Variants in ZCCHC7 observed in about 807,000 individuals in gnomAD.
ZCCHC7 encodes the protein zinc finger CCHC domain-containing protein 7.
ZCCHC7 carries 35 observed loss-of-function variants against 52.0 expected under a neutral mutation model. That is an observed-to-expected ratio of 0.67 (90% CI 0.51 to 0.89). The LOEUF (loss-of-function observed/expected upper bound fraction) is 0.89. Ranked by LOEUF, ZCCHC7 falls within the 40% of genes least tolerant of loss-of-function variation. The pLI is 0.00. For synonymous variants in ZCCHC7, 217 were observed against 221.5 expected (o/e 0.98, Z 0.18); for missense variants, 574 against 649.1 (o/e 0.88, Z 1.26).
intron 2 of ZCCHC7, among the ~76,000 whole-genome samples, chr9:37,217,820 A>T (rs1179458694): frequency 6.6e-6 from 1 of 152,198 alleles, no homozygotes; most frequent in East Asian, 1.9e-4. Flanking sequence ...TTAGAGTCAG[A>T]GGTAATCCTA....
At chr9:37,272,713 A>G (rs1827486449) in intron 2 of ZCCHC7, among the ~76,000 whole-genome samples, 1 of 152,070 alleles carries the variant, frequency 6.6e-6, no homozygotes, top group Admixed American at 6.5e-5. Context: ...CTTTTACTGT[A>G]TATTCATGTA....
At chr9:37,213,544 T>C (rs1824348952) in intron 2 of ZCCHC7, among the ~76,000 whole-genome samples, 1 of 152,186 alleles carries the variant, frequency 6.6e-6, no homozygotes, top group African/African-American at 2.4e-5. Context: ...CAGAATATGC[T>C]TTTTATTGTT....
intron 2 of ZCCHC7, among the ~76,000 whole-genome samples, chr9:37,174,539 A>C (rs551444004): frequency 1.3e-3 from 201 of 152,328 alleles, no homozygotes; most frequent in Non-Finnish European, 1.4e-3. Context: ...AATCTAAAAC[A>C]CTATTATCTC....
rs1824461889 is a variant in ZCCHC7, at chr9:37,215,605, G to A, written c.611-86583G>A. The stretch of plus-strand genomic sequence containing the variant: ...TTGAAGGTCTGCTTTATTCAAAAAG[G>A]AGCAGCTTGTTTATGAGGCCAGTGG... On this transcript the variant is annotated intron_variant, in intron 2 of 8. Transcript: ENST00000336755. 2.0e-5 allele frequency among the ~76,000 whole-genome samples: 3 copies of A among 152,124 alleles called. No homozygotes were observed. The South Asian group carries it at 6.2e-4, about 32-fold the overall frequency.
At chr9:37,223,477 TG>T (rs1824931775) in intron 2 of ZCCHC7, among the ~76,000 whole-genome samples, 1 of 152,010 alleles carries the variant, frequency 6.6e-6, no homozygotes, top group Non-Finnish European at 1.5e-5. Flanking sequence ...GAAAGGTTAC[TG>T]GGGGTTGGGT....
intron 2 of ZCCHC7, among the ~76,000 whole-genome samples, chr9:37,281,798 C>T (rs1827970471): frequency 6.6e-6 from 1 of 152,196 alleles, no homozygotes; most frequent in Admixed American, 6.5e-5. Flanking sequence ...ACCTACTTAC[C>T]TGGCAGGTTT....
At chr9:37,197,837 C>T (rs975391675) in intron 2 of ZCCHC7, among the ~76,000 whole-genome samples, 1 of 152,114 alleles carries the variant, frequency 6.6e-6, no homozygotes, top group African/African-American at 2.4e-5. Context: ...GCATAGCAGC[C>T]AAATATTCTG....
At chr9:37,173,095 T>TG (rs1305672452) in intron 2 of ZCCHC7, among the ~76,000 whole-genome samples, 3 of 151,864 alleles carry the variant, frequency 2.0e-5, no homozygotes, top group African/African-American at 7.3e-5. Context: ...GTGAGCAACG[T>TG]GGCCATTCCA....
At chr9:37,161,488 G>T (rs1821102320) in intron 2 of ZCCHC7, among the ~76,000 whole-genome samples, 1 of 151,990 alleles carries the variant, frequency 6.6e-6, no homozygotes, top group Admixed American at 6.6e-5. Flanking sequence ...GGCAGGAGAA[G>T]GGCATGAACC....
intron 2 of ZCCHC7, among the ~76,000 whole-genome samples, chr9:37,252,841 T>G (rs1473151705): frequency 6.6e-6 from 1 of 152,144 alleles, no homozygotes; most frequent in South Asian, 2.1e-4. Flanking sequence ...TCCAATGTTA[T>G]TATTTTGTGT....
chr9:37,153,465 C>A (rs1329996709), intron 2 of ZCCHC7, among the ~76,000 whole-genome samples: 1 of 151,986 alleles, frequency 6.6e-6, no homozygotes, highest in African/African-American at 2.4e-5. Context: ...GCCACCACAC[C>A]CTGCCTGTTG....
chr9:37,298,061 G>C (rs562933573), intron 2 of ZCCHC7, among the ~76,000 whole-genome samples: 1 of 152,306 alleles, frequency 6.6e-6, no homozygotes, highest in Non-Finnish European at 1.5e-5. Context: ...ATGTTGGAAA[G>C]CACACACATA....
intron 6 of ZCCHC7, among the ~76,000 whole-genome samples, chr9:37,338,156 T>C (rs1830761770): frequency 6.6e-6 from 1 of 152,142 alleles, no homozygotes; most frequent in Non-Finnish European, 1.5e-5. Context: ...GAGGTTTTCT[T>C]TCTGTTGTTG....
intron 1 of ZCCHC7, among the ~76,000 whole-genome samples, chr9:37,125,966 G>A (rs1842522062): frequency 1.3e-5 from 2 of 152,228 alleles, no homozygotes; most frequent in South Asian, 4.1e-4. Flanking sequence ...ACCATACCAT[G>A]TAGCCTAGTT....
Position 37,357,379 on chromosome 9 carries a change from T to C in ZCCHC7, c.*111T>C, listed in dbSNP as rs1166558417. On this transcript the variant is annotated 3_prime_UTR_variant, in exon 9 of 9. Coordinates refer to ENST00000336755, the MANE Select transcript of ZCCHC7 (RefSeq NM_032226.3). Reference sequence around the variant, plus strand: ...GATTAAATAAAGTGAGTTTTTGGTTTTGTTTTTTTAATTTCAGCCATTCCT... The same window carrying C: ...GATTAAATAAAGTGAGTTTTTGGTTCTGTTTTTTTAATTTCAGCCATTCCT... 3 of 1,131,420 alleles carry C rather than the reference T, an allele frequency of 2.7e-6. No individual in the cohort carries two copies. Among genetic ancestry groups the C allele is most frequent in the Non-Finnish European group, 2.4e-6 (2 of 831,496 alleles). 70.1% of individuals were successfully genotyped at this position (1,131,420 alleles called of 1,614,324 possible).
chr9:37,229,296 A>G (rs760535329), intron 2 of ZCCHC7, among the ~76,000 whole-genome samples: 1 of 152,016 alleles, frequency 6.6e-6, no homozygotes, highest in African/African-American at 2.4e-5. Flanking sequence ...ACATTTTTCT[A>G]TGAATAAAAT....
At chr9:37,195,632 A>T (rs1427519115) in intron 2 of ZCCHC7, among the ~76,000 whole-genome samples, 1 of 152,196 alleles carries the variant, frequency 6.6e-6, no homozygotes, top group Non-Finnish European at 1.5e-5. Flanking sequence ...CGAGGAAGGG[A>T]AAGGCATTGT....
At chr9:37,187,940 T>A (rs1419586402) in intron 2 of ZCCHC7, among the ~76,000 whole-genome samples, 1 of 152,190 alleles carries the variant, frequency 6.6e-6, no homozygotes, top group African/African-American at 2.4e-5. Flanking sequence ...TGGTTTCCGA[T>A]GACAAATTCT....
At chr9:37,327,061 C>G (rs1014201972) in intron 5 of ZCCHC7, 8 of 151,942 alleles carry the variant, frequency 5.3e-5, no homozygotes, top group Non-Finnish European at 1.0e-4. Context: ...TATATGTGTT[C>G]GTAAGAAAAT....
Sources: allele counts gnomAD v4.1 joint callset (sites outside exome capture counted in the v4.1 genomes callset), GRCh38; gene constraint gnomAD v4.1.1; transcripts MANE v1.5; gene names NCBI Gene and HGNC (gene_info 2026-07-23, HGNC 2026-07-21).